RIC8B: variants seen among roughly 807,000 people sequenced by gnomAD.
The protein encoded by RIC8B is chaperone Ric-8B.
A neutral mutation model predicts 57.5 loss-of-function variants in RIC8B; 16 were observed. The observed-to-expected ratio is 0.28, with a 90% CI of 0.19 to 0.42. The LOEUF is 0.42. Among genes scored for constraint, RIC8B ranks in the 10% least tolerant of loss-of-function variants. The pLI is 1.00. For missense variants in RIC8B, 481 were observed against 677.0 expected, an observed-to-expected ratio of 0.71 and a Z score of 3.21; for synonymous variants, 216 against 250.8, an observed-to-expected ratio of 0.86 and a Z score of 1.31.
At chr12:106,868,848 CTTTTTTTTTTTT>C (rs572218268) in intron 8 of RIC8B, among the ~76,000 whole-genome samples, 1 of 85,538 alleles carries the variant, frequency 1.2e-5, no homozygotes, top group Non-Finnish European at 2.4e-5. Context: ...GAGGCCCAAG[CTTTTTTTTTTTT>C]TTTTTTTTTT....
At chr12:106,785,378 T>C (rs1801843087) in intron 2 of RIC8B, among the ~76,000 whole-genome samples, 2 of 152,180 alleles carry the variant, frequency 1.3e-5, no homozygotes, top group Non-Finnish European at 2.9e-5. Flanking sequence ...GCAAGCCTCC[T>C]CTGACATTCC....
chr12:106,845,220 G>A (rs1334850070), intron 6 of RIC8B, among the ~76,000 whole-genome samples: 1 of 152,118 alleles, frequency 6.6e-6, no homozygotes, highest in East Asian at 1.9e-4. Context: ...CCAAGCACTT[G>A]AACATGATAA....
At chr12:106,870,450 G>T (rs187173808) in intron 8 of RIC8B, among the ~76,000 whole-genome samples, 1 of 151,886 alleles carries the variant, frequency 6.6e-6, no homozygotes, top group Non-Finnish European at 1.5e-5. Flanking sequence ...ATCACAAAAT[G>T]GATTTCCTCA....
At chr12:106,854,268 T>A (rs1949620843) in intron 7 of RIC8B, among the ~76,000 whole-genome samples, 1 of 152,038 alleles carries the variant, frequency 6.6e-6, no homozygotes, top group Non-Finnish European at 1.5e-5. Flanking sequence ...TACCTTCAAC[T>A]TAACAGTAAT....
intron 1 of RIC8B, among the ~76,000 whole-genome samples, chr12:106,776,970 C>G (rs980194431): frequency 2.0e-5 from 3 of 152,164 alleles, no homozygotes; most frequent in African/African-American, 2.4e-5. Flanking sequence ...TCCTCCCCCC[C>G]ACCGACCCTC....
chr12:106,826,201 T>G (rs1357470023), intron 4 of RIC8B, among the ~76,000 whole-genome samples: 3 of 152,208 alleles, frequency 2.0e-5, no homozygotes, highest in Non-Finnish European at 4.4e-5. Flanking sequence ...GCCAACATTA[T>G]AAGGTAGATT....
In RIC8B at chr12:106,842,529, T is replaced by C. The variant is rs1042772691; in HGVS notation, c.837-60T>C. 6.0e-6 allele frequency: 8 copies of C among 1,336,440 alleles called. No individual in the cohort carries two copies. In the Admixed American group the frequency reaches 6.0e-5, roughly 10 times the overall value. 82.8% of individuals were successfully genotyped at this position (1,336,440 alleles called of 1,614,324 possible). A position where few individuals can be genotyped will look rare whatever the true frequency, so the allele number is the denominator to read the frequency against. On this transcript the variant is annotated intron_variant, in intron 4 of 9. Coordinates refer to ENST00000392837, the MANE Select transcript of RIC8B (RefSeq NM_001330145.2). The stretch of plus-strand genomic sequence containing the variant: ...TCACTTTTGAACTTCTTATTATGTT[T>C]GCATTTTAAAGGACTATTCAATCAA...
chr12:106,795,579 C>G (rs1298857902), intron 2 of RIC8B, among the ~76,000 whole-genome samples: 5 of 152,106 alleles, frequency 3.3e-5, no homozygotes, highest in Non-Finnish European at 7.4e-5. Context: ...TCTTATTATG[C>G]AAATGAACTT....
At position 106,799,852 on chromosome 12, in the gene RIC8B, C is replaced by T. The variant is rs78920473; in HGVS notation, c.133-14844C>T. On this transcript the variant is annotated intron_variant, in intron 2 of 9. Transcript: ENST00000392837. Reference sequence around the variant, plus strand: ...TTAACTTCCCTCTTTCCCCTGTTCTCGGCTATCTTAGTCTGCTTGAGCTGT... The same window carrying T: ...TTAACTTCCCTCTTTCCCCTGTTCTTGGCTATCTTAGTCTGCTTGAGCTGT... 1.6e-3 allele frequency among the ~76,000 whole-genome samples: 246 copies of T among 152,188 alleles called. 2 individuals carry two copies. The highest frequency in any genetic ancestry group is 2.7e-3 in the Admixed American group (41 of 15,280).
intron 8 of RIC8B, among the ~76,000 whole-genome samples, chr12:106,864,931 G>T (rs1268243478): frequency 6.6e-6 from 1 of 152,000 alleles, no homozygotes; most frequent in Non-Finnish European, 1.5e-5. Flanking sequence ...TTTTGTTATT[G>T]GCTAGTGTCA....
chr12:106,830,652 T>G lies in RIC8B; in HGVS notation c.836+4832T>G, dbSNP rs200526108. Among the ~76,000 whole-genome samples, 37 of 152,350 alleles carry G rather than the reference T, an allele frequency of 2.4e-4. No individual in the cohort carries two copies. The East Asian group carries it at 6.0e-3, about 25-fold the overall frequency. The stretch of plus-strand genomic sequence containing the variant: ...GTCATCTAGGTGAACAGATGTTTTC[T>G]GAACTATAGCTGAACACTGGTCTTA... On this transcript the variant is annotated intron_variant, in intron 4 of 9. Coordinates refer to ENST00000392837, the MANE Select transcript of RIC8B (RefSeq NM_001330145.2).
chr12:106,860,220 G>T, intron 7 of RIC8B, 48 bp from the exon 8 acceptor site: 1 of 1,458,940 alleles, frequency 6.9e-7, no homozygotes, highest in Non-Finnish European at 9.1e-7. Context: ...TGATGATGAT[G>T]GTGAAGACCC....
At chr12:106,872,179 A>G (rs978928205) in intron 9 of RIC8B, among the ~76,000 whole-genome samples, 2 of 152,208 alleles carry the variant, frequency 1.3e-5, no homozygotes, top group African/African-American at 4.8e-5. Flanking sequence ...TACATTCTCC[A>G]TACCTTTGTA....
chr12:106,793,063 T>G (rs2044327302), intron 2 of RIC8B, among the ~76,000 whole-genome samples: 1 of 152,132 alleles, frequency 6.6e-6, no homozygotes, highest in Non-Finnish European at 1.5e-5. Flanking sequence ...GGGTCTTACC[T>G]CCTTCCATTC....
chr12:106,810,051 A>G (rs2045264996), intron 2 of RIC8B, among the ~76,000 whole-genome samples: 1 of 150,998 alleles, frequency 6.6e-6, no homozygotes, highest in African/African-American at 2.4e-5. Flanking sequence ...TTTATTATTT[A>G]TTTCTTAGGA....
chr12:106,829,739 A>G (rs978619745), intron 4 of RIC8B, among the ~76,000 whole-genome samples: 9 of 152,118 alleles, frequency 5.9e-5, no homozygotes, highest in African/African-American at 2.2e-4. Context: ...AACTCTTTTC[A>G]TTTATTCATT....
At chr12:106,778,191 C>G (rs1036204155) in intron 1 of RIC8B, among the ~76,000 whole-genome samples, 5 of 152,152 alleles carry the variant, frequency 3.3e-5, no homozygotes, top group Admixed American at 1.3e-4. Flanking sequence ...CCATTCTTCC[C>G]CTTCTTTTTC....
chr12:106,871,863 G>C (rs1950446532), intron 9 of RIC8B, among the ~76,000 whole-genome samples: 1 of 152,188 alleles, frequency 6.6e-6, no homozygotes, highest in African/African-American at 2.4e-5. Context: ...GGGAAAGGTG[G>C]AACACAGAAA....
At chr12:106,850,357 C>T (rs1949411957) in intron 6 of RIC8B, among the ~76,000 whole-genome samples, 1 of 152,118 alleles carries the variant, frequency 6.6e-6, no homozygotes, top group Non-Finnish European at 1.5e-5. Flanking sequence ...ATGAAGTTGC[C>T]TACAAACTCA....
Sources: gnomAD v4.1 joint callset for allele counts (sites outside exome capture counted in the v4.1 genomes callset) on GRCh38, gnomAD v4.1.1 for gene constraint, MANE v1.5 for transcripts, NCBI Gene and HGNC (gene_info 2026-07-23, HGNC 2026-07-21) for gene names.